DNAH3: variants seen among roughly 807,000 people sequenced by gnomAD.
DNAH3 encodes dynein axonemal heavy chain 3.
A neutral mutation model predicts 432.5 loss-of-function variants in DNAH3; 332 were observed. The observed-to-expected ratio is 0.77, with a 90% CI of 0.70 to 0.84. The LOEUF (loss-of-function observed/expected upper bound fraction) is 0.84. Ranked by LOEUF, DNAH3 falls within the 40% of genes least tolerant of loss-of-function variation. The pLI is 0.00. For synonymous variants in DNAH3, 1,956 were observed against 1,900.2 expected, an observed-to-expected ratio of 1.03 and a Z score of -0.76; for missense variants, 4,861 against 5,114.0, an observed-to-expected ratio of 0.95 and a Z score of 1.51.
chr16:21,030,948 TA>T, intron 37 of DNAH3, 96 bp downstream of exon 37: 1 of 1,242,630 alleles, frequency 8.0e-7, no homozygotes, highest in Non-Finnish European at 1.1e-6. Context: ...ACATACATAA[TA>T]AATGTATGTC....
chr16:20,960,425 C>T (rs899475371), intron 53 of DNAH3, among the ~76,000 whole-genome samples: 2 of 152,188 alleles, frequency 1.3e-5, no homozygotes, highest in African/African-American at 4.8e-5. Flanking sequence ...GTGGCTCACG[C>T]CTGCAATCCC....
At position 21,159,197 on chromosome 16, in the gene DNAH3, C is replaced by A. The variant is rs1328504297; in HGVS notation, c.117+128G>T. 3.2e-6 allele frequency: 3 copies of A among 931,472 alleles called. No homozygotes were observed. The African/African-American group carries it at 4.8e-5, about 15-fold the overall frequency. 57.7% of individuals were successfully genotyped at this position (931,472 alleles called of 1,614,324 possible). A position where few individuals can be genotyped will look rare whatever the true frequency, so the allele number is the denominator to read the frequency against. ...TCCACCGAGGTCCCCTTCCCCATCG[C>A]TGCAGAGAGATCTGCAAGTATCAAA... On this transcript the variant is annotated intron_variant, in intron 1 of 61. Transcript: ENST00000261383.
At chr16:21,138,948 A>T (rs7190032) in intron 5 of DNAH3, among the ~76,000 whole-genome samples, 71,555 of 151,952 alleles carry the variant, frequency 0.47, 17,375 homozygotes, top group East Asian at 0.68. Flanking sequence ...CAATAGAGAT[A>T]ATCATAGAAC....
intron 20 of DNAH3, among the ~76,000 whole-genome samples, chr16:21,078,655 A>T (rs2091066252): frequency 6.6e-6 from 1 of 152,228 alleles, no homozygotes; most frequent in Non-Finnish European, 1.5e-5. Flanking sequence ...GGTTCAATTA[A>T]ATAAGACCAA....
Position 21,136,357 on chromosome 16 carries a change from T to G in DNAH3, c.853A>C (p.Asn285His), listed in dbSNP as rs899674545. ...TTCATGAGGCTACAGTAATAGTCAT[T>G]CTCCTTCTCCTGCACGAGGACCACC... The change falls in exon 6 of 62, where the codon AAT (asparagine) becomes CAT (histidine). Residue 285 changes from asparagine (N) to histidine (H), a missense_variant. Asn to His is a moderately conservative substitution (Grantham distance 68). Transcript: ENST00000261383. The G allele has an allele frequency of 1.1e-5, 17 of 1,613,874 alleles. No homozygotes were observed. In the Admixed American group the frequency reaches 2.2e-4, roughly 21 times the overall value.
intron 29 of DNAH3, among the ~76,000 whole-genome samples, chr16:21,050,281 T>C (rs918114622): frequency 1.3e-5 from 2 of 152,192 alleles, no homozygotes; most frequent in African/African-American, 4.8e-5. Flanking sequence ...GTCCAGCACA[T>C]GAGTGGCACC....
intron 7 of DNAH3, 111 bp downstream of exon 8, chr16:21,134,148 T>G: frequency 8.9e-7 from 1 of 1,127,588 alleles, no homozygotes; most frequent in Non-Finnish European, 1.2e-6. Context: ...TTTTTTTCTT[T>G]CATTTCTCTA....
At chr16:20,979,540 C>A (rs560259311) in exon 50 of DNAH3, 2 of 1,614,048 alleles carry the variant, frequency 1.2e-6, no homozygotes, top group Admixed American at 3.3e-5. Context: ...TGCACATGGA[C>A]ACGACCCTGC....
chr16:21,117,418 G>T, intron 11 of DNAH3, 79 bp from the exon 12 acceptor site: 1 of 775,426 alleles, frequency 1.3e-6, no homozygotes, highest in East Asian at 2.7e-5. Flanking sequence ...CTTCTCTAAT[G>T]CACTCATTTC....
rs529194176 is a variant in DNAH3, at chr16:21,026,637, G to A, written c.5540+390C>T. Among the ~76,000 whole-genome samples the A allele has an allele frequency of 1.2e-4, 17 of 144,420 alleles. No homozygotes were observed. The South Asian group carries it at 3.5e-3, about 30-fold the overall frequency. The allele number at this position is 144,420 out of a possible 152,430, so 94.7% of individuals were successfully genotyped here. A position where few individuals can be genotyped will look rare whatever the true frequency, so the allele number is the denominator to read the frequency against. On this transcript the variant is annotated intron_variant, in intron 38 of 61. Transcript: ENST00000261383. ...AATCGCTTGAACCTGGGAGGCAGAG[G>A]TTGCAGTGAGTCGAGATCATGCCAC...
At chr16:20,942,397 G>A (rs2083854482) in intron 58 of DNAH3, among the ~76,000 whole-genome samples, 1 of 152,226 alleles carries the variant, frequency 6.6e-6, no homozygotes, top group Admixed American at 6.5e-5. Flanking sequence ...GAGTGTGGGA[G>A]AGACAGACAC....
At chr16:21,148,442 ATT>A (rs66495991) in intron 1 of DNAH3, among the ~76,000 whole-genome samples, 246 of 144,722 alleles carry the variant, frequency 1.7e-3, no homozygotes, top group African/African-American at 6.0e-3. Flanking sequence ...ATTATTATTT[ATT>A]TTTTTTTTTT....
intron 49 of DNAH3, among the ~76,000 whole-genome samples, chr16:20,979,845 G>A (rs1190122322): frequency 2.0e-5 from 3 of 152,098 alleles, no homozygotes; most frequent in Non-Finnish European, 2.9e-5. Flanking sequence ...TGCCTCCCAG[G>A]CTCAAGTGAT....
intron 41 of DNAH3, among the ~76,000 whole-genome samples, chr16:21,006,092 G>A (rs941415104): frequency 6.6e-6 from 1 of 151,788 alleles, no homozygotes; most frequent in African/African-American, 2.4e-5. Context: ...GCATTATTTG[G>A]TCTCCATATC....
intron 27 of DNAH3, among the ~76,000 whole-genome samples, chr16:21,056,907 A>G (rs75421588): frequency 3.7e-3 from 562 of 152,350 alleles, no homozygotes; most frequent in African/African-American, 0.013. Flanking sequence ...ACAGTGCAAT[A>G]TGTCTATTAG....
chr16:21,074,930 G>T (rs2090921832), intron 21 of DNAH3, among the ~76,000 whole-genome samples: 1 of 152,184 alleles, frequency 6.6e-6, no homozygotes, highest in Non-Finnish European at 1.5e-5. Flanking sequence ...ACAAGTGCAA[G>T]TGAAAAGAAA....
At chr16:20,952,612 C>A in intron 55 of DNAH3, 63 bp from the exon 56 acceptor site, 1 of 1,059,124 alleles carries the variant, frequency 9.4e-7, no homozygotes, top group Non-Finnish European at 1.5e-6. Flanking sequence ...ACTCAAAGAC[C>A]AAGCCGAGGG....
intron 1 of DNAH3, among the ~76,000 whole-genome samples, chr16:21,147,405 G>A (rs998775289): frequency 4.6e-5 from 7 of 152,030 alleles, no homozygotes; most frequent in East Asian, 1.9e-4. Context: ...TAGTAGAGAC[G>A]GGGTTTCACC....
intron 25 of DNAH3, among the ~76,000 whole-genome samples, chr16:21,061,901 A>C (rs761401465): frequency 1.3e-5 from 2 of 152,204 alleles, no homozygotes; most frequent in African/African-American, 2.4e-5. Context: ...CTGCATTGGT[A>C]ATGTGACTCC....
Sources: gnomAD v4.1 joint callset for allele counts (sites outside exome capture counted in the v4.1 genomes callset) on GRCh38, gnomAD v4.1.1 for gene constraint, MANE v1.5 for transcripts, NCBI Gene and HGNC (gene_info 2026-07-23, HGNC 2026-07-21) for gene names.